Variants in MTUS1 observed in about 807,000 individuals in gnomAD.
MTUS1 encodes microtubule-associated tumor suppressor 1.
Under a neutral mutation model 120.8 loss-of-function variants are expected in MTUS1, and 109 were observed. The ratio of observed to expected loss-of-function variants is 0.90; its 90% CI spans 0.77 to 1.06. MTUS1 has a LOEUF of 1.06. MTUS1 is among the 50% of genes least tolerant of loss of function. MTUS1 has a pLI of 0.00. For synonymous variants in MTUS1, 737 were observed against 550.5 expected (o/e 1.34, Z -4.74); for missense variants, 2,210 against 1,486.3 (o/e 1.49, Z -8.01).
chr8:17,698,347 G>C (rs1818382371), intron 6 of MTUS1, among the ~76,000 whole-genome samples: 1 of 151,386 alleles, frequency 6.6e-6, no homozygotes, highest in South Asian at 2.1e-4. Flanking sequence ...TTTTATTTCA[G>C]TAGAGTGGCT....
At chr8:17,797,120 T>G (rs114858317) in intron 1 of MTUS1, among the ~76,000 whole-genome samples, 6,084 of 151,854 alleles carry the variant, frequency 0.04, 409 homozygotes, top group African/African-American at 0.14. Context: ...CATCTCAAAA[T>G]AAATTTTTAG....
intron 6 of MTUS1, among the ~76,000 whole-genome samples, chr8:17,696,668 A>G (rs934901682): frequency 1.3e-5 from 2 of 152,216 alleles, no homozygotes; most frequent in Non-Finnish European, 2.9e-5. Context: ...AAGCAGATAC[A>G]AACATAAACC....
rs184896798 is a variant in MTUS1, at chr8:17,709,391, C to T, written c.2623+3823G>A. On this transcript the variant is annotated intron_variant, in intron 6 of 14. Coordinates refer to ENST00000693296, the MANE Select transcript of MTUS1 (RefSeq NM_001363059.2). Reference sequence around the variant, plus strand: ...GACAAGACAACCCTCCTTCCTAGAACTCAGTGCATTTGTGATTCATGTCTA... The same window carrying T: ...GACAAGACAACCCTCCTTCCTAGAATTCAGTGCATTTGTGATTCATGTCTA... Among the ~76,000 whole-genome samples the T allele has an allele frequency of 3.9e-5, 6 of 152,198 alleles. No homozygotes were observed. In the East Asian group the frequency reaches 5.8e-4, roughly 15 times the overall value.
intron 8 of MTUS1, among the ~76,000 whole-genome samples, chr8:17,670,570 T>A (rs1041845930): frequency 6.6e-6 from 1 of 152,134 alleles, no homozygotes. Flanking sequence ...ACATCTGTAA[T>A]CCCAGCACTT....
intron 7 of MTUS1, 130 bp downstream of exon 7, chr8:17,684,198 A>T (rs1414153242): frequency 1.5e-6 from 1 of 676,614 alleles, no homozygotes; most frequent in African/African-American, 1.8e-5. Context: ...ACAAAAATGT[A>T]ATGGGATGAA....
At chr8:17,797,409 T>C (rs1250930092) in intron 1 of MTUS1, among the ~76,000 whole-genome samples, 1 of 147,320 alleles carries the variant, frequency 6.8e-6, no homozygotes, top group Non-Finnish European at 1.5e-5. Flanking sequence ...CAATATCCCG[T>C]CTCAAAAAAT....
At chr8:17,688,481 T>C (rs528029619) in intron 6 of MTUS1, among the ~76,000 whole-genome samples, 47 of 152,326 alleles carry the variant, frequency 3.1e-4, no homozygotes, top group South Asian at 2.7e-3. Context: ...AAACCGATGT[T>C]TGTGGGTTGA....
intron 5 of MTUS1, 32 bp from the exon 6 acceptor site, chr8:17,713,284 A>T: frequency 7.8e-7 from 1 of 1,279,952 alleles, no homozygotes; most frequent in Non-Finnish European, 1.1e-6. Flanking sequence ...TAAAATACAT[A>T]TGTTTTATTT....
rs201996693 is a variant in MTUS1 at position 17,743,666 on chromosome 8, T to C, written c.2225A>G (p.Asn742Ser). ...PVSCLRRNSD[N>S]RNPSADRAVS... ...GGCTCGATCAGCACTGGGATTTCTA[T>C]TGTCACTGTTCCGCCTCAAACAGGA... Residue 742 changes from asparagine to serine, a missense_variant, in exon 3 of 15, where the codon AAT becomes AGT. Coordinates refer to ENST00000693296, the MANE Select transcript of MTUS1 (RefSeq NM_001363059.2). 1.9e-4 allele frequency: 306 copies of C among 1,614,180 alleles called. 1 individual carries two copies. The African/African-American group carries it at 2.7e-3, about 14-fold the overall frequency.
chr8:17,753,563 C>T (rs2048353305), intron 2 of MTUS1, among the ~76,000 whole-genome samples, 154 bp downstream of exon 2: 1 of 151,878 alleles, frequency 6.6e-6, no homozygotes, highest in African/African-American at 2.4e-5. Flanking sequence ...CTATTAACAC[C>T]CCAGTACTGA....
chr8:17,654,845 C>G lies in MTUS1; in HGVS notation c.3109-179G>C, dbSNP rs528815278. ...GGTTCACACTTGTAACCTCAGCACT[C>G]TGGGAGGCAGAGGTGGAGGATCACT... On this transcript the variant is annotated intron_variant, in intron 9 of 14. Transcript: ENST00000693296. 5.3e-5 allele frequency: 31 copies of G among 588,222 alleles called. No homozygotes were observed. In the Admixed American group the frequency reaches 8.9e-4, roughly 17 times the overall value. The allele number at this position is 588,222 out of a possible 1,614,324, so 36.4% of individuals were successfully genotyped here.
At chr8:17,735,743 A>T (rs1395849157) in intron 3 of MTUS1, among the ~76,000 whole-genome samples, 2 of 152,278 alleles carry the variant, frequency 1.3e-5, no homozygotes, top group Non-Finnish European at 2.9e-5. Flanking sequence ...GTCTCCATTC[A>T]AATCAAGCCA....
At chr8:17,684,276 G>C (rs374408198) in intron 7 of MTUS1, 52 bp downstream of exon 7, 2 of 1,373,898 alleles carry the variant, frequency 1.5e-6, no homozygotes, top group Non-Finnish European at 1.0e-6. Context: ...AGTCCTCCCC[G>C]TGCTCCCCCG....
At chr8:17,687,526 C>T (rs899239617) in intron 6 of MTUS1, among the ~76,000 whole-genome samples, 1 of 152,164 alleles carries the variant, frequency 6.6e-6, no homozygotes, top group African/African-American at 2.4e-5. Context: ...AGGTTTTATA[C>T]AGAAGTATAA....
In MTUS1 at chr8:17,798,586, C is replaced by T. The variant is rs573238421; in HGVS notation, c.-155+2475G>A. Among the ~76,000 whole-genome samples the T allele has an allele frequency of 3.8e-3, 583 of 152,332 alleles. 6 individuals are homozygous for T. The highest frequency in any genetic ancestry group is 0.012 in the African/African-American group (498 of 41,558). Reference sequence around the variant, plus strand: ...TGACCTCCTGATCCGCCCGCCTTGGCTTCCCAAAGTGCTGGGATTAGAGGC... The same window carrying T: ...TGACCTCCTGATCCGCCCGCCTTGGTTTCCCAAAGTGCTGGGATTAGAGGC... On this transcript the variant is annotated intron_variant, in intron 1 of 14. Transcript: ENST00000693296.
intron 8 of MTUS1, among the ~76,000 whole-genome samples, chr8:17,674,256 C>T (rs1322127500): frequency 6.6e-6 from 1 of 152,000 alleles, no homozygotes; most frequent in East Asian, 1.9e-4. Flanking sequence ...CCCATCTCTA[C>T]TAAAAATACA....
intron 8 of MTUS1, among the ~76,000 whole-genome samples, chr8:17,657,659 T>A (rs1298329322): frequency 5.9e-5 from 8 of 136,180 alleles, no homozygotes; most frequent in African/African-American, 5.5e-5. Flanking sequence ...CTCTTAAAAT[T>A]AAAAAAAAAA....
intron 6 of MTUS1, among the ~76,000 whole-genome samples, chr8:17,698,634 A>C (rs1266482908): frequency 6.6e-6 from 1 of 152,198 alleles, no homozygotes; most frequent in Non-Finnish European, 1.5e-5. Context: ...AACTAGCAGG[A>C]AGCAGTTCTT....
chr8:17,674,093 G>T (rs1201379492), intron 8 of MTUS1, among the ~76,000 whole-genome samples: 8 of 152,168 alleles, frequency 5.3e-5, no homozygotes, highest in Non-Finnish European at 1.0e-4. Context: ...CCAGGGCAGA[G>T]AGAAGAACCC....
Sources: allele counts gnomAD v4.1 joint callset (sites outside exome capture counted in the v4.1 genomes callset), GRCh38; gene constraint gnomAD v4.1.1; transcripts MANE v1.5; gene names NCBI Gene and HGNC (gene_info 2026-07-23, HGNC 2026-07-21).